The following AP3D1 variants were observed in gnomAD, a reference collection of about 807,000 sequenced individuals.
AP3D1 encodes adaptor related protein complex 3 subunit delta 1.
Under a neutral mutation model 147.6 loss-of-function variants are expected in AP3D1, and 51 were observed. The observed-to-expected ratio is 0.35, with a 90% CI of 0.28 to 0.44. AP3D1 has a LOEUF of 0.44. AP3D1 is among the 20% of genes least tolerant of loss of function. AP3D1 has a pLI of 1.00. For synonymous variants in AP3D1, 760 were observed against 663.0 expected (o/e 1.15, Z -2.25); for missense variants, 1,421 against 1,624.2 (o/e 0.87, Z 2.15).
intron 1 of AP3D1, among the ~76,000 whole-genome samples, chr19:2,159,900 T>C (rs1424079897): frequency 6.7e-5 from 10 of 150,024 alleles, no homozygotes; most frequent in East Asian, 2.0e-4. Context: ...GTATTTTTAG[T>C]AGAGACGGGG....
intron 11 of AP3D1, among the ~76,000 whole-genome samples, chr19:2,122,676 A>G (rs909841328): frequency 2.0e-5 from 3 of 152,232 alleles, no homozygotes; most frequent in African/African-American, 7.2e-5. Context: ...CACGAAAGGT[A>G]TGTGATCGCG....
At chr19:2,126,972 T>C (rs1317946540) in intron 9 of AP3D1, among the ~76,000 whole-genome samples, 180 bp downstream of exon 9, 2 of 152,138 alleles carry the variant, frequency 1.3e-5, no homozygotes, top group South Asian at 2.1e-4. Flanking sequence ...CATGGCCACC[T>C]TGACAGCAGA....
chr19:2,123,863 G>A lies in AP3D1; in HGVS notation c.873C>T (p.Ser291=). 2 of 1,578,248 alleles carry A rather than the reference G, an allele frequency of 1.3e-6. No individual in the cohort carries two copies. The highest frequency in any genetic ancestry group is 2.3e-5 in the South Asian group (2 of 86,220). ...TGGCGCTGTGGTTGGGCATGCCGGA[G>A]GACAGCGAGATGAGCACTGCAACAG... ...NTVIAVLISL[S]SGMPNHSASI... The change falls in exon 10 of 32, where the codon TCC becomes TCT. Residue 291 remains serine (S), a synonymous_variant. Coordinates refer to ENST00000643116, the MANE Select transcript of AP3D1 (RefSeq NM_001261826.3).
At chr19:2,108,568 CT>C in intron 31 of AP3D1, 118 bp downstream of exon 31, 1 of 879,424 alleles carries the variant, frequency 1.1e-6, no homozygotes, top group East Asian at 2.7e-5. Flanking sequence ...GGCAGCAGTG[CT>C]GCCATCACTG....
chr19:2,135,518 AGAGT>A (rs1458842268), intron 4 of AP3D1, among the ~76,000 whole-genome samples: 1 of 152,244 alleles, frequency 6.6e-6, no homozygotes, highest in East Asian at 1.9e-4. Flanking sequence ...CCTGGGCAAT[AGAGT>A]GAGACTCAGT....
rs1189849965 is a variant in AP3D1, at chr19:2,120,989, G to A, written c.1354C>T (p.Arg452Cys). The change falls in exon 14 of 32, where the codon CGC (arginine) becomes TGC (cysteine). Residue 452 changes from arginine (R) to cysteine (C), a missense_variant. By Grantham distance (180) the Arg-to-Cys change is radical. Transcript: ENST00000643116. ...LDVAIRVKAIRKFAVSQMSAL... is the reference protein window; with the variant it reads ...LDVAIRVKAICKFAVSQMSAL... ...GACATCTGGGACACGGCGAACTTGC[G>A]GATGGCCTTCACGCGGATGGCCACG... is the stretch of plus-strand genomic sequence containing the variant. 3.1e-6 allele frequency: 5 copies of A among 1,612,224 alleles called. No individual in the cohort carries two copies. The highest frequency in any genetic ancestry group is 4.2e-6 in the Non-Finnish European group (5 of 1,179,992).
chr19:2,164,344 A>C, intron 1 of AP3D1: 1 of 1,019,924 alleles, frequency 9.8e-7, no homozygotes, highest in Non-Finnish European at 1.3e-6. Context: ...AACCCCCCCA[A>C]GCCGCGCTCA....
At chr19:2,111,212 C>T in intron 26 of AP3D1, 73 bp downstream of exon 26, 1 of 1,577,682 alleles carries the variant, frequency 6.3e-7, no homozygotes, top group South Asian at 1.1e-5. Context: ...TGGGGGCTGC[C>T]CGGGTTCCGC....
At chr19:2,111,419 A>T in intron 25 of AP3D1, 87 bp from the exon 26 acceptor site, 1 of 1,511,030 alleles carries the variant, frequency 6.6e-7, no homozygotes. Flanking sequence ...CCCAGGTCGA[A>T]TGCCACGACT....
chr19:2,123,925 G>C (rs372933267), intron 9 of AP3D1, 46 bp from the exon 10 acceptor site: 11 of 1,554,378 alleles, frequency 7.1e-6, no homozygotes, highest in Middle Eastern at 1.7e-4. Flanking sequence ...ACCATGGCCA[G>C]CGCCGACACC....
chr19:2,163,609 A>C (rs2019785270), intron 1 of AP3D1, among the ~76,000 whole-genome samples: 1 of 150,892 alleles, frequency 6.6e-6, no homozygotes, highest in Admixed American at 6.6e-5. Context: ...TTTTGGTTTT[A>C]CTAAGCCGTG....
chr19:2,135,822 G>A (rs1026699054), intron 4 of AP3D1, among the ~76,000 whole-genome samples: 1 of 152,250 alleles, frequency 6.6e-6, no homozygotes. Flanking sequence ...GGCACGACAC[G>A]TGGCCCTCCT....
rs764696291 is a variant in AP3D1 at position 2,136,998 on chromosome 19, C to T, written c.354+13G>A. 1.0e-5 allele frequency: 16 copies of T among 1,576,692 alleles called. No homozygotes were observed. The highest frequency in any genetic ancestry group is 3.5e-5 in the South Asian group (3 of 85,978). On this transcript the variant is annotated intron_variant, in intron 4 of 31. Coordinates refer to ENST00000643116, the MANE Select transcript of AP3D1 (RefSeq NM_001261826.3). ...CACTCAGCACAGAGCGGCCCCGGCC[C>T]GGGAACACCCACCTTACGGATCTGA...
At chr19:2,157,346 G>A (rs962420305) in intron 1 of AP3D1, among the ~76,000 whole-genome samples, 2 of 149,030 alleles carry the variant, frequency 1.3e-5, no homozygotes, top group Admixed American at 1.4e-4. Context: ...GGAGGCTGAG[G>A]CAGGAGAATG....
Position 2,127,909 on chromosome 19 carries a change from C to A in AP3D1, c.807-708G>T, listed in dbSNP as rs10406120. 4.7e-3 allele frequency among the ~76,000 whole-genome samples: 714 copies of A among 152,358 alleles called. 3 individuals carry two copies. Among genetic ancestry groups the A allele is most frequent in the Admixed American group, 6.9e-3 (106 of 15,308 alleles). On this transcript the variant is annotated intron_variant, in intron 8 of 31. Transcript: ENST00000643116. ...CTTACAGCTTTACAGTCACCTGCAG[C>A]GTAGGGCCGCAGCCAGGAGAATGGC... is the stretch of plus-strand genomic sequence containing the variant.
At chr19:2,110,938 C>T (rs1599443526) in intron 26 of AP3D1, 42 bp from the exon 27 acceptor site, 1 of 1,593,808 alleles carries the variant, frequency 6.3e-7, no homozygotes, top group East Asian at 2.2e-5. Context: ...GCGGGCCCGC[C>T]ACAGGGAACA....
chr19:2,136,681 G>A (rs77347571), intron 4 of AP3D1, among the ~76,000 whole-genome samples: 2 of 152,166 alleles, frequency 1.3e-5, no homozygotes, highest in African/African-American at 4.8e-5. Context: ...ACCATGAGGG[G>A]AGAAGGGAAG....
In AP3D1 at chr19:2,108,709, T is replaced by C. The variant is rs1383694400; in HGVS notation, c.3530A>G (p.His1177Arg). 1.9e-6 allele frequency: 3 copies of C among 1,583,480 alleles called. No individual in the cohort carries two copies. The highest frequency in any genetic ancestry group is 2.6e-6 in the Non-Finnish European group (3 of 1,165,162). Reference sequence around the variant, plus strand: ...CACCTTTTTCACCAGGAGGCAGACATGGTGGCCCTGGATGGAGCGGCTGTA... The same window carrying C: ...CACCTTTTTCACCAGGAGGCAGACACGGTGGCCCTGGATGGAGCGGCTGTA... The part of the protein sequence containing the change: ...SMYSRSIQGH[H>R]VCLLVKKGEN... Residue 1177 changes from histidine to arginine, a missense_variant, in exon 31 of 32, where the codon CAT becomes CGT. Transcript: ENST00000643116.
chr19:2,144,780 G>A (rs972793113), intron 1 of AP3D1, among the ~76,000 whole-genome samples: 5 of 152,294 alleles, frequency 3.3e-5, no homozygotes, highest in African/African-American at 1.2e-4. Context: ...GTGCATGCCT[G>A]TAATCCCAGC....
Sources: allele counts gnomAD v4.1 joint callset (sites outside exome capture counted in the v4.1 genomes callset), GRCh38; gene constraint gnomAD v4.1.1; transcripts MANE v1.5; gene names NCBI Gene and HGNC (gene_info 2026-07-23, HGNC 2026-07-21).